Variants in TEC observed in about 807,000 individuals in gnomAD.
TEC encodes the protein tyrosine-protein kinase Tec.
A neutral mutation model predicts 93.0 loss-of-function variants in TEC; 72 were observed. The ratio of observed to expected loss-of-function variants is 0.77; its 90% CI spans 0.64 to 0.94. The LOEUF is 0.94. Ranked by LOEUF, TEC falls within the 40% of genes least tolerant of loss-of-function variation. TEC has a pLI of 0.00. For synonymous variants in TEC, 249 were observed against 247.7 expected, an observed-to-expected ratio of 1.01 and a Z score of -0.05; for missense variants, 630 against 757.9, an observed-to-expected ratio of 0.83 and a Z score of 1.98.
intron 1 of TEC, among the ~76,000 whole-genome samples, chr4:48,262,586 C>CA (rs1724526218): frequency 6.6e-6 from 1 of 152,026 alleles, no homozygotes; most frequent in African/African-American, 2.4e-5. Flanking sequence ...ACTATGCTTT[C>CA]CCTAGGAAAG....
At chr4:48,247,775 T>C (rs974004124) in intron 1 of TEC, among the ~76,000 whole-genome samples, 21 of 152,202 alleles carry the variant, frequency 1.4e-4, no homozygotes, top group African/African-American at 1.2e-4. Context: ...TGGAATTAGA[T>C]AGTGGCGATG....
chr4:48,240,367 A>G (rs945088276), intron 1 of TEC, among the ~76,000 whole-genome samples: 2 of 152,158 alleles, frequency 1.3e-5, no homozygotes, highest in Admixed American at 6.5e-5. Flanking sequence ...AAAAAGCACC[A>G]AAACAGACAA....
chr4:48,218,127 G>A (rs924768125), intron 2 of TEC, among the ~76,000 whole-genome samples: 8 of 152,126 alleles, frequency 5.3e-5, no homozygotes, highest in Admixed American at 2.6e-4. Context: ...ATATGAATCA[G>A]AAATGGGAGA....
At chr4:48,170,471 A>G in intron 4 of TEC, 95 bp from the exon 5 acceptor site, 1 of 887,982 alleles carries the variant, frequency 1.1e-6, no homozygotes, top group Non-Finnish European at 1.7e-6. Flanking sequence ...TATTTCTTGG[A>G]CACTATGTTT....
At chr4:48,186,375 C>A (rs1181266409) in intron 2 of TEC, among the ~76,000 whole-genome samples, 1 of 150,104 alleles carries the variant, frequency 6.7e-6, no homozygotes, top group Non-Finnish European at 1.5e-5. Flanking sequence ...AAGTGAGGAG[C>A]GCCTCTTCCC....
intron 12 of TEC, 114 bp downstream of exon 12, chr4:48,146,211 T>C (rs1018449364): frequency 8.6e-6 from 8 of 934,162 alleles, no homozygotes; most frequent in African/African-American, 6.7e-5. Flanking sequence ...ACCTATACTA[T>C]AAACTTATAA....
chr4:48,256,112 GCT>G (rs1199757440), intron 1 of TEC, among the ~76,000 whole-genome samples: 2 of 152,150 alleles, frequency 1.3e-5, no homozygotes, highest in African/African-American at 4.8e-5. Flanking sequence ...AATGACTATG[GCT>G]CTGTGACAGT....
At chr4:48,217,663 A>G (rs1340613479) in intron 2 of TEC, among the ~76,000 whole-genome samples, 1 of 152,162 alleles carries the variant, frequency 6.6e-6, no homozygotes, top group Non-Finnish European at 1.5e-5. Flanking sequence ...TCCTCTCACC[A>G]TAGATATTTT....
chr4:48,150,075 T>G (rs576401249), intron 10 of TEC, among the ~76,000 whole-genome samples: 1 of 152,316 alleles, frequency 6.6e-6, no homozygotes, highest in Admixed American at 6.5e-5. Flanking sequence ...ATATTCAACT[T>G]GAGGGACCTT....
At chr4:48,154,571 A>G (rs1720317828) in intron 9 of TEC, among the ~76,000 whole-genome samples, 1 of 152,196 alleles carries the variant, frequency 6.6e-6, no homozygotes, top group Non-Finnish European at 1.5e-5. Flanking sequence ...AAAAGATAGG[A>G]TATGGTTTTT....
At chr4:48,152,675 G>C (rs1418518980) in intron 9 of TEC, among the ~76,000 whole-genome samples, 5 of 152,112 alleles carry the variant, frequency 3.3e-5, no homozygotes, top group African/African-American at 1.2e-4. Flanking sequence ...GTAAGTAGCA[G>C]AGCCAGGATT....
At chr4:48,198,267 G>A (rs1722373603) in intron 2 of TEC, among the ~76,000 whole-genome samples, 1 of 152,222 alleles carries the variant, frequency 6.6e-6, no homozygotes, top group Non-Finnish European at 1.5e-5. Context: ...AGCTGGACAT[G>A]GGTCAGACAA....
At chr4:48,141,947 C>T (rs1431229224) in intron 14 of TEC, among the ~76,000 whole-genome samples, 2 of 152,160 alleles carry the variant, frequency 1.3e-5, no homozygotes, top group Non-Finnish European at 2.9e-5. Context: ...AGCAACCTCA[C>T]CGGCCAACTG....
chr4:48,183,779 C>T (rs1721693016), intron 2 of TEC, among the ~76,000 whole-genome samples: 1 of 152,212 alleles, frequency 6.6e-6, no homozygotes, highest in Admixed American at 6.5e-5. Flanking sequence ...TAAATCTCCT[C>T]ATATACATCT....
intron 2 of TEC, among the ~76,000 whole-genome samples, chr4:48,191,034 C>T (rs139206504): frequency 4.6e-5 from 7 of 152,290 alleles, no homozygotes; most frequent in African/African-American, 1.7e-4. Flanking sequence ...TGATTGAGCA[C>T]CCAGGCTTCA....
At chr4:48,141,449 G>A in intron 14 of TEC, 30 bp from the exon 15 acceptor site, 2 of 1,599,722 alleles carry the variant, frequency 1.3e-6, no homozygotes, top group Non-Finnish European at 8.6e-7. Flanking sequence ...TGGTATATTA[G>A]TTTAAAAATT....
intron 3 of TEC, among the ~76,000 whole-genome samples, chr4:48,174,478 G>T (rs372242132): frequency 6.6e-6 from 1 of 152,080 alleles, no homozygotes; most frequent in African/African-American, 2.4e-5. Context: ...GGCCAACATG[G>T]TGAAACCCTG....
chr4:48,227,932 C>T (rs1723527396), intron 2 of TEC, among the ~76,000 whole-genome samples: 1 of 152,128 alleles, frequency 6.6e-6, no homozygotes, highest in Admixed American at 6.5e-5. Context: ...TTTGTCTGTG[C>T]CACGTGCTCA....
chr4:48,212,952 G>A (rs1294201438), intron 2 of TEC, among the ~76,000 whole-genome samples: 1 of 152,138 alleles, frequency 6.6e-6, no homozygotes, highest in Non-Finnish European at 1.5e-5. Context: ...TTGTACAAGT[G>A]ATGAAGAAAG....
Sources: gnomAD v4.1 joint callset for allele counts (sites outside exome capture counted in the v4.1 genomes callset) on GRCh38, gnomAD v4.1.1 for gene constraint, MANE v1.5 for transcripts, NCBI Gene and HGNC (gene_info 2026-07-23, HGNC 2026-07-21) for gene names.